Variants in ARHGAP11B observed in about 807,000 individuals in gnomAD.
The protein encoded by ARHGAP11B is inactive Rho GTPase-activating protein 11B.
In ARHGAP11B, 14 loss-of-function variants were observed where a neutral mutation model predicts 27.6. The ratio of observed to expected loss-of-function variants is 0.51; its 90% CI spans 0.34 to 0.79. ARHGAP11B has a LOEUF of 0.79. Among genes scored for constraint, ARHGAP11B ranks in the 30% least tolerant of loss-of-function variants. The pLI, the probability that ARHGAP11B is intolerant of heterozygous loss-of-function variation, is 0.02. For missense variants in ARHGAP11B, 245 were observed against 320.1 expected, an observed-to-expected ratio of 0.77 and a Z score of 1.79; for synonymous variants, 82 against 114.1, an observed-to-expected ratio of 0.72 and a Z score of 1.80.
intron 8 of ARHGAP11B, among the ~76,000 whole-genome samples, chr15:30,645,102 A>G (rs1368532342): frequency 6.6e-6 from 1 of 151,782 alleles, no homozygotes; most frequent in South Asian, 2.1e-4. Flanking sequence ...TGAGAACGGG[A>G]CTAGGTGGTT....
intron 1 of ARHGAP11B, among the ~76,000 whole-genome samples, chr15:30,628,842 A>G (rs2060225548): frequency 6.6e-6 from 1 of 152,086 alleles, no homozygotes; most frequent in Non-Finnish European, 1.5e-5. Flanking sequence ...ATTAAATTTT[A>G]GTGGTTACTT....
chr15:30,649,052 A>C (rs1257497082), exon 11 of ARHGAP11B: 2 of 152,050 alleles, frequency 1.3e-5, no homozygotes, highest in Non-Finnish European at 2.9e-5. Context: ...TGACATTTTC[A>C]AACAGACATT....
intron 7 of ARHGAP11B, 72 bp downstream of exon 7, chr15:30,638,882 A>T (rs948199578): frequency 2.3e-6 from 2 of 861,128 alleles, no homozygotes; most frequent in East Asian, 7.0e-5. Flanking sequence ...ATAAAATACA[A>T]TTACAATAAT....
chr15:30,639,663 G>A (rs1470217261), intron 7 of ARHGAP11B, among the ~76,000 whole-genome samples: 6 of 151,998 alleles, frequency 3.9e-5, no homozygotes. Flanking sequence ...AATGCTAAGT[G>A]TAAATTGCCA....
At chr15:30,626,710 G>A in exon 1 of ARHGAP11B, 12 of 1,472,756 alleles carry the variant, frequency 8.1e-6, no homozygotes, top group South Asian at 1.4e-5. Context: ...AGACGGGGCC[G>A]GAAAGCAGCC....
chr15:30,648,563 T>C (rs900181342), exon 11 of ARHGAP11B, among the ~76,000 whole-genome samples: 36 of 152,050 alleles, frequency 2.4e-4, no homozygotes, highest in Non-Finnish European at 4.6e-4. Context: ...ATGAGATAAC[T>C]ACTTCATAGA....
intron 1 of ARHGAP11B, among the ~76,000 whole-genome samples, chr15:30,628,855 G>A (rs1486836536): frequency 1.3e-5 from 2 of 152,094 alleles, no homozygotes; most frequent in African/African-American, 4.8e-5. Context: ...GGTTACTTGT[G>A]AAGCCAGTTA....
chr15:30,637,503 G>A (rs1386833177), intron 6 of ARHGAP11B, among the ~76,000 whole-genome samples: 2 of 152,088 alleles, frequency 1.3e-5, no homozygotes, highest in Non-Finnish European at 2.9e-5. Context: ...GGGAGACCAA[G>A]GTGGGCGGAT....
chr15:30,648,739 C>T (rs949646737), exon 11 of ARHGAP11B: 13 of 151,856 alleles, frequency 8.6e-5, no homozygotes, highest in African/African-American at 2.7e-4. Context: ...CATGAAAAAA[C>T]GGAGGTGAAA....
intron 9 of ARHGAP11B, among the ~76,000 whole-genome samples, chr15:30,646,739 G>T (rs1258688765): frequency 6.6e-6 from 1 of 151,678 alleles, no homozygotes; most frequent in African/African-American, 2.4e-5. Context: ...GGAGGCTGAG[G>T]CGGGTGGATC....
intron 2 of ARHGAP11B, among the ~76,000 whole-genome samples, chr15:30,632,718 G>A (rs1283207946): frequency 6.6e-6 from 1 of 151,280 alleles, no homozygotes; most frequent in Non-Finnish European, 1.5e-5. Flanking sequence ...TAAAGAAATT[G>A]AGCACATTCC....
chr15:30,644,866 G>A (rs1278891223), intron 8 of ARHGAP11B, among the ~76,000 whole-genome samples: 1 of 152,072 alleles, frequency 6.6e-6, no homozygotes, highest in Non-Finnish European at 1.5e-5. Context: ...TAAGTAATCT[G>A]TAATTCATTT....
Position 30,641,081 on chromosome 15 carries a change from G to T in ARHGAP11B, c.*78+2261G>T, listed in dbSNP as rs1206887953. On this transcript the variant is annotated intron_variant, in intron 7 of 10. Transcript: ENST00000428041. The stretch of plus-strand genomic sequence containing the variant: ...CCCAAAACAGAGGTTAAACAGTCTT[G>T]TTCTATTTTTAGTTTGAGCTTGCCT... Among the ~76,000 whole-genome samples the T allele has an allele frequency of 2.0e-5, 3 of 151,692 alleles. No homozygotes were observed. The East Asian group carries it at 5.8e-4, about 29-fold the overall frequency.
At chr15:30,647,802 ATAAT>A (rs1252059740) in intron 10 of ARHGAP11B, 1 of 168,772 alleles carries the variant, frequency 5.9e-6, no homozygotes, top group Non-Finnish European at 1.4e-5. Flanking sequence ...ACAGTCCTAA[ATAAT>A]TATCATAAAT....
chr15:30,644,346 T>A (rs987703483), intron 7 of ARHGAP11B, among the ~76,000 whole-genome samples: 4 of 152,076 alleles, frequency 2.6e-5, no homozygotes, highest in Non-Finnish European at 4.4e-5. Context: ...ATTTGTTGAA[T>A]GACTGAATTT....
At chr15:30,641,080 T>C (rs1395161247) in intron 7 of ARHGAP11B, among the ~76,000 whole-genome samples, 1 of 151,920 alleles carries the variant, frequency 6.6e-6, no homozygotes, top group East Asian at 1.9e-4. Context: ...TAAACAGTCT[T>C]GTTCTATTTT....
At chr15:30,633,625 A>G (rs1415969611) in intron 3 of ARHGAP11B, 39 bp downstream of exon 3, 2 of 1,570,454 alleles carry the variant, frequency 1.3e-6, no homozygotes, top group East Asian at 2.3e-5. Flanking sequence ...CATTTGAGCC[A>G]TTTTCTGATT....
At position 30,627,042 on chromosome 15, in the gene ARHGAP11B, G is replaced by A. The variant is rs2060213711; in HGVS notation, c.129+93G>A. On this transcript the variant is annotated intron_variant, in intron 1 of 10. Coordinates refer to ENST00000428041, the Ensembl canonical transcript of ARHGAP11B. ...GATCGTGCTAAAATGTTCACTCTGT[G>A]TATCAAAAAGAATGGTTAGGTGTGT... 10 of 1,550,128 alleles carry A rather than the reference G, an allele frequency of 6.5e-6. No individual in the cohort carries two copies. In the South Asian group the frequency reaches 1.2e-4, roughly 19 times the overall value.
intron 4 of ARHGAP11B, 115 bp downstream of exon 4, chr15:30,634,538 T>C: frequency 7.0e-7 from 1 of 1,428,800 alleles, no homozygotes; most frequent in Non-Finnish European, 9.4e-7. Flanking sequence ...AAAAATTCCA[T>C]ATTTCATTAC....
Sources: gnomAD v4.1 joint callset for allele counts (sites outside exome capture counted in the v4.1 genomes callset) on GRCh38, gnomAD v4.1.1 for gene constraint, MANE v1.5 for transcripts, NCBI Gene and HGNC (gene_info 2026-07-23, HGNC 2026-07-21) for gene names.